KLF8: variants seen among roughly 807,000 people sequenced by gnomAD.
KLF8 encodes the protein Krueppel-like factor 8.
Under a neutral mutation model 18.2 loss-of-function variants are expected in KLF8, and 10 were observed. That is an observed-to-expected ratio of 0.55 (90% CI 0.34 to 0.93). The LOEUF is 0.93. KLF8 is among the 40% of genes least tolerant of loss of function. The pLI, the probability that KLF8 is intolerant of heterozygous loss-of-function variation, is 0.02. For synonymous variants in KLF8, 109 were observed against 97.3 expected, an observed-to-expected ratio of 1.12 and a Z score of -0.71; for missense variants, 264 against 277.9, an observed-to-expected ratio of 0.95 and a Z score of 0.36.
At position 56,291,348 on chromosome X, in the gene KLF8, G is replaced by C. The variant is rs909055333; in HGVS notation, c.*6854G>C. ...TGAGCAATCTCTCATAAACAAGTCT[G>C]TTATGCACCTGGAGATACTCAAGAT... On this transcript the variant is annotated 3_prime_UTR_variant, in exon 6 of 6. Transcript: ENST00000468660. Among the ~76,000 whole-genome samples the C allele has an allele frequency of 9.0e-6, 1 of 111,379 alleles. No homozygotes were observed. Among genetic ancestry groups the C allele is most frequent in the African/African-American group, 3.3e-5 (1 of 30,654 alleles).
the KLF8 span, among the ~76,000 whole-genome samples, chrX:56,013,942 C>T: frequency 9.0e-5 from 10 of 111,652 alleles, no homozygotes; most frequent in East Asian, 2.5e-3. Context: ...ATGCAGAAAA[C>T]TGAAACTGGA....
At chrX:56,052,925 T>G in the KLF8 span, among the ~76,000 whole-genome samples, 44 of 111,494 alleles carry the variant, frequency 3.9e-4, no homozygotes, top group African/African-American at 1.4e-3. Context: ...CGAGACTCCG[T>G]GGGCGTAGGA....
the KLF8 span, among the ~76,000 whole-genome samples, chrX:56,086,465 A>G: frequency 8.1e-5 from 9 of 110,786 alleles, no homozygotes; most frequent in South Asian, 1.6e-3. Context: ...TGAGTTCAAA[A>G]ACAATACTAA....
At chrX:56,004,688 C>T in the KLF8 span, among the ~76,000 whole-genome samples, 1 of 111,239 alleles carries the variant, frequency 9.0e-6, no homozygotes, top group Non-Finnish European at 1.9e-5. Context: ...TCTTATTGCC[C>T]AAACCCCAAA....
chrX:56,092,900 A>T, the KLF8 span, among the ~76,000 whole-genome samples: 3 of 110,177 alleles, frequency 2.7e-5, no homozygotes, highest in African/African-American at 6.6e-5. Flanking sequence ...CAGAAATGAC[A>T]TATGCCTTAG....
chrX:55,977,755 T>C, the KLF8 span, among the ~76,000 whole-genome samples: 1 of 111,524 alleles, frequency 9.0e-6, no homozygotes, highest in African/African-American at 3.3e-5. Context: ...TATTATTTGA[T>C]TTATGTTTTA....
At chrX:56,164,354 G>C in the KLF8 span, among the ~76,000 whole-genome samples, 1,119 of 90,948 alleles carry the variant, frequency 0.012, 19 homozygotes, top group African/African-American at 0.043. Flanking sequence ...AATGTATTTA[G>C]AGCTACAATA....
At chrX:56,017,294 G>GAA in the KLF8 span, among the ~76,000 whole-genome samples, 1 of 112,402 alleles carries the variant, frequency 8.9e-6, no homozygotes, top group South Asian at 3.7e-4. Context: ...TGGCCTAAGA[G>GAA]AAGTAAGGTA....
the KLF8 span, among the ~76,000 whole-genome samples, chrX:55,964,033 A>AT: frequency 1.8e-5 from 2 of 112,120 alleles, no homozygotes; most frequent in African/African-American, 6.5e-5. Context: ...CCTGCCTCGA[A>AT]TGTAAATGAG....
the KLF8 span, among the ~76,000 whole-genome samples, chrX:55,944,937 G>A: frequency 3.6e-5 from 4 of 110,386 alleles, no homozygotes; most frequent in African/African-American, 1.3e-4. Flanking sequence ...TGTCAATTTT[G>A]GATCTTTCCT....
the KLF8 span, among the ~76,000 whole-genome samples, chrX:55,999,254 A>G: frequency 1.5e-5 from 1 of 66,817 alleles, no homozygotes; most frequent in Non-Finnish European, 2.8e-5. Context: ...CTCGTATTAT[A>G]ATTTGAAATC....
chrX:56,034,756 T>TC, the KLF8 span, among the ~76,000 whole-genome samples: 1 of 64,259 alleles, frequency 1.6e-5, no homozygotes, highest in Non-Finnish European at 2.7e-5. Flanking sequence ...TTCTTTTTTT[T>TC]TTTTTTTTTT....
the KLF8 span, among the ~76,000 whole-genome samples, chrX:56,005,734 T>G: frequency 8.1e-5 from 9 of 111,747 alleles, no homozygotes; most frequent in Non-Finnish European, 1.1e-4. Flanking sequence ...TCCATCTGCA[T>G]GTGCACACAC....
At chrX:56,033,411 T>A in the KLF8 span, among the ~76,000 whole-genome samples, 1 of 111,412 alleles carries the variant, frequency 9.0e-6, no homozygotes, top group Non-Finnish European at 1.9e-5. Flanking sequence ...TCTTTATCAA[T>A]TTTTTTTGAT....
the KLF8 span, among the ~76,000 whole-genome samples, chrX:56,110,054 C>G: frequency 9.0e-6 from 1 of 111,086 alleles, no homozygotes; most frequent in Non-Finnish European, 1.9e-5. Context: ...TCTGTTTCTG[C>G]GTGAGTTTGC....
chrX:56,142,009 G>A, the KLF8 span, among the ~76,000 whole-genome samples: 1 of 111,940 alleles, frequency 8.9e-6, no homozygotes, highest in Non-Finnish European at 1.9e-5. Context: ...TGCTTATGCT[G>A]TTTCTTGTAT....
the KLF8 span, among the ~76,000 whole-genome samples, chrX:56,144,621 C>A: frequency 9.5e-6 from 1 of 105,642 alleles, no homozygotes; most frequent in Non-Finnish European, 1.9e-5. Flanking sequence ...GCCATGGTGG[C>A]GGGAGCCTGT....
At chrX:56,048,685 T>G in the KLF8 span, among the ~76,000 whole-genome samples, 1 of 111,969 alleles carries the variant, frequency 8.9e-6, no homozygotes, top group Admixed American at 9.5e-5. Context: ...GTAGTATAGT[T>G]TGAAGTCAGG....
the KLF8 span, among the ~76,000 whole-genome samples, chrX:55,949,868 G>T: frequency 9.0e-6 from 1 of 110,960 alleles, no homozygotes; most frequent in Non-Finnish European, 1.9e-5. Context: ...CGGGACAAAT[G>T]CTCTGGGACC....
Sources: gnomAD v4.1 joint callset for allele counts (sites outside exome capture counted in the v4.1 genomes callset) on GRCh38, gnomAD v4.1.1 for gene constraint, MANE v1.5 for transcripts, NCBI Gene and HGNC (gene_info 2026-07-23, HGNC 2026-07-21) for gene names.